The following ASIC2 variants were observed in gnomAD, a reference collection of about 807,000 sequenced individuals.
The protein encoded by ASIC2 is acid-sensing ion channel 2.
Under a neutral mutation model 57.3 loss-of-function variants are expected in ASIC2, and 25 were observed. The observed-to-expected ratio is 0.44, with a 90% CI of 0.32 to 0.61. The LOEUF (loss-of-function observed/expected upper bound fraction) is 0.61. Ranked by LOEUF, ASIC2 falls within the 20% of genes least tolerant of loss-of-function variation. The probability of loss-of-function intolerance (pLI) is 0.06; values close to 1 mark genes in which losing one functional copy is unlikely to be tolerated. For synonymous variants in ASIC2, 319 were observed against 307.5 expected (o/e 1.04, Z -0.39); for missense variants, 641 against 738.1 (o/e 0.87, Z 1.52).
chr17:33,561,007 C>T lies in ASIC2; in HGVS notation c.556-448940G>A, dbSNP rs944943133. 5.3e-5 allele frequency among the ~76,000 whole-genome samples: 8 copies of T among 152,196 alleles called. No individual in the cohort carries two copies. The East Asian group carries it at 1.5e-3, about 29-fold the overall frequency. ...TTTGTATGCAGTAGTAGGTGGCATA[C>T]TTCTGGGCAGTCTAAATTTTCAGAG... On this transcript the variant is annotated intron_variant, in intron 1 of 9. Transcript: ENST00000359872.
chr17:33,066,486 A>G (rs2092044101), intron 3 of ASIC2, among the ~76,000 whole-genome samples: 1 of 152,156 alleles, frequency 6.6e-6, no homozygotes, highest in Non-Finnish European at 1.5e-5. Flanking sequence ...CTCATGGGCC[A>G]TTTAAAGAGA....
At chr17:33,413,065 G>A (rs962310737) in intron 1 of ASIC2, among the ~76,000 whole-genome samples, 3 of 152,290 alleles carry the variant, frequency 2.0e-5, no homozygotes, top group African/African-American at 2.4e-5. Flanking sequence ...TGAGGCTGAT[G>A]AGCAGGGTTC....
chr17:33,401,577 C>T (rs1168339572), intron 1 of ASIC2, among the ~76,000 whole-genome samples: 1 of 152,166 alleles, frequency 6.6e-6, no homozygotes, highest in Admixed American at 6.5e-5. Flanking sequence ...TCTCTTGCCC[C>T]TAATTGAGCT....
Position 33,132,631 on chromosome 17 carries a change from C to T in ASIC2, c.709-20564G>A, listed in dbSNP as rs191924744. Among the ~76,000 whole-genome samples the T allele has an allele frequency of 1.4e-4, 22 of 152,286 alleles. No individual in the cohort carries two copies. The East Asian group carries it at 3.9e-3, about 27-fold the overall frequency. On this transcript the variant is annotated intron_variant, in intron 1 of 9. Transcript: ENST00000225823. The stretch of plus-strand genomic sequence containing the variant: ...CTCATGCACACTTGCGACCTAGAGC[C>T]TCTGGTAGAGTCCAATTTCCTGGGT...
intron 1 of ASIC2, among the ~76,000 whole-genome samples, chr17:33,946,498 G>A (rs1308572879): frequency 6.6e-6 from 1 of 152,210 alleles, no homozygotes; most frequent in Non-Finnish European, 1.5e-5. Context: ...TGGTTCATTT[G>A]TGCATTCACT....
chr17:33,550,396 G>A (rs1048681686), intron 1 of ASIC2, among the ~76,000 whole-genome samples: 1 of 152,208 alleles, frequency 6.6e-6, no homozygotes, highest in Non-Finnish European at 1.5e-5. Context: ...TGGGAAGAAA[G>A]GGCTCACATG....
chr17:33,104,022 G>A (rs1477201415), intron 2 of ASIC2, among the ~76,000 whole-genome samples: 2 of 152,144 alleles, frequency 1.3e-5, no homozygotes, highest in African/African-American at 2.4e-5. Flanking sequence ...GTTCTCAAAT[G>A]ATGTCTATTG....
intron 1 of ASIC2, among the ~76,000 whole-genome samples, chr17:33,907,902 G>A (rs926621288): frequency 2.0e-5 from 3 of 152,142 alleles, no homozygotes; most frequent in African/African-American, 7.2e-5. Flanking sequence ...GGGCCACAGT[G>A]GGACAGCACA....
At chr17:33,386,134 C>T (rs1909668054) in intron 1 of ASIC2, among the ~76,000 whole-genome samples, 1 of 152,150 alleles carries the variant, frequency 6.6e-6, no homozygotes, top group Admixed American at 6.5e-5. Flanking sequence ...CAAACTGAAA[C>T]AAATTCTTTT....
At chr17:33,778,719 C>A (rs372156810) in intron 1 of ASIC2, among the ~76,000 whole-genome samples, 1 of 152,144 alleles carries the variant, frequency 6.6e-6, no homozygotes, top group Non-Finnish European at 1.5e-5. Flanking sequence ...TGAGCCTCGA[C>A]GTCCTCTCCA....
chr17:33,296,398 A>T (rs988873940), upstream of ASIC2, among the ~76,000 whole-genome samples: 3 of 152,108 alleles, frequency 2.0e-5, no homozygotes, highest in African/African-American at 7.2e-5. Flanking sequence ...TGGACACAAT[A>T]GCTCCTGTGG....
chr17:33,227,724 A>G (rs1907941647), intron 1 of ASIC2, among the ~76,000 whole-genome samples: 1 of 152,176 alleles, frequency 6.6e-6, no homozygotes, highest in Non-Finnish European at 1.5e-5. Flanking sequence ...TAAAAACCCA[A>G]TCTGATAGGT....
chr17:33,304,082 C>T (rs1906071180), intron 1 of ASIC2, among the ~76,000 whole-genome samples: 1 of 152,170 alleles, frequency 6.6e-6, no homozygotes, highest in East Asian at 1.9e-4. Flanking sequence ...CAAAACATTT[C>T]ACAGGTCCAG....
At chr17:33,247,417 A>T (rs948505829) in intron 1 of ASIC2, among the ~76,000 whole-genome samples, 1 of 152,190 alleles carries the variant, frequency 6.6e-6, no homozygotes, top group African/African-American at 2.4e-5. Context: ...GCAGCTCTTC[A>T]GCTCTCCTTC....
At chr17:33,129,176 C>T (rs2092335825) in intron 1 of ASIC2, among the ~76,000 whole-genome samples, 1 of 152,160 alleles carries the variant, frequency 6.6e-6, no homozygotes, top group Admixed American at 6.5e-5. Context: ...AGCCAGCATC[C>T]CAGAAAGTAG....
intron 2 of ASIC2, among the ~76,000 whole-genome samples, chr17:33,097,278 C>T (rs758017837): frequency 2.0e-5 from 3 of 152,182 alleles, no homozygotes; most frequent in African/African-American, 4.8e-5. Flanking sequence ...CGGTAAGCTT[C>T]GGGGTTTTCA....
chr17:33,368,035 T>C (rs946518445), intron 1 of ASIC2, among the ~76,000 whole-genome samples: 1 of 152,180 alleles, frequency 6.6e-6, no homozygotes, highest in Non-Finnish European at 1.5e-5. Flanking sequence ...CAAAATGGAC[T>C]CATGGATATG....
At chr17:33,129,732 T>G (rs1048553511) in intron 1 of ASIC2, among the ~76,000 whole-genome samples, 1 of 152,196 alleles carries the variant, frequency 6.6e-6, no homozygotes, top group African/African-American at 2.4e-5. Context: ...ACCTGGAGAC[T>G]CATTCCTTGT....
chr17:34,028,334 T>C (rs529052082), intron 1 of ASIC2, among the ~76,000 whole-genome samples: 2 of 152,328 alleles, frequency 1.3e-5, no homozygotes, highest in Non-Finnish European at 2.9e-5. Flanking sequence ...GAATCTCCTT[T>C]CTTTGCAATT....
Sources: allele counts gnomAD v4.1 joint callset (sites outside exome capture counted in the v4.1 genomes callset), GRCh38; gene constraint gnomAD v4.1.1; transcripts MANE v1.5; gene names NCBI Gene and HGNC (gene_info 2026-07-23, HGNC 2026-07-21).